PRKCD: variants seen among roughly 807,000 people sequenced by gnomAD.
The protein encoded by PRKCD is protein kinase C delta, also known as protein kinase C delta type.
Under a neutral mutation model 82.2 loss-of-function variants are expected in PRKCD, and 20 were observed. That is an observed-to-expected ratio of 0.24 (90% CI 0.17 to 0.35). The LOEUF is 0.35. PRKCD is among the 10% of genes least tolerant of loss of function. The pLI is 1.00. For missense variants in PRKCD, 607 were observed against 899.0 expected (o/e 0.68, Z 4.15); for synonymous variants, 317 against 337.0 (o/e 0.94, Z 0.65).
intron 2 of PRKCD, among the ~76,000 whole-genome samples, chr3:53,171,535 A>G (rs782400968): frequency 2.0e-5 from 3 of 152,216 alleles, no homozygotes; most frequent in Non-Finnish European, 4.4e-5. Context: ...CGCATCCTAC[A>G]GAGGTCTTAC....
At chr3:53,175,246 C>T (rs926259833) in intron 2 of PRKCD, among the ~76,000 whole-genome samples, 7 of 152,156 alleles carry the variant, frequency 4.6e-5, no homozygotes, top group Admixed American at 2.6e-4. Context: ...GTAACCAGGA[C>T]TGTCTTCCCA....
chr3:53,181,832 G>A lies in PRKCD; in HGVS notation c.571+100G>A, dbSNP rs782458014. ...CAGTGCCTGTGTGCGCTCAGAGAGT[G>A]TATGCACGTGAGTTTTCCCAGTGTA... On this transcript the variant is annotated intron_variant, in intron 7 of 18. Coordinates refer to ENST00000330452, the MANE Select transcript of PRKCD (RefSeq NM_006254.4). 3.2e-6 allele frequency: 5 copies of A among 1,543,496 alleles called. No homozygotes were observed. In the South Asian group the frequency reaches 4.6e-5, roughly 14 times the overall value.
At chr3:53,177,757 A>G (rs1436622152) in intron 2 of PRKCD, among the ~76,000 whole-genome samples, 6 of 151,932 alleles carry the variant, frequency 3.9e-5, no homozygotes, top group South Asian at 2.1e-4. Flanking sequence ...GACAGATGCA[A>G]ATGCCACCAG....
intron 1 of PRKCD, among the ~76,000 whole-genome samples, chr3:53,164,066 G>C (rs1258075044): frequency 6.6e-6 from 1 of 152,216 alleles, no homozygotes; most frequent in Non-Finnish European, 1.5e-5. Flanking sequence ...GGGGTCTCCA[G>C]CTGGGGGAGG....
In PRKCD at chr3:53,176,942, C is replaced by T. The variant is rs79322081; in HGVS notation, c.-19-1462C>T. 3.7e-3 allele frequency among the ~76,000 whole-genome samples: 564 copies of T among 152,266 alleles called. 5 individuals are homozygous for T. The highest frequency in any genetic ancestry group is 0.013 in the African/African-American group (537 of 41,534). ...CTCCCAGGTTCCAGCCATTCTTCTG[C>T]CCTCAGCCTCCCAAGTAGCTGGGAT... On this transcript the variant is annotated intron_variant, in intron 2 of 18. Coordinates refer to ENST00000330452, the MANE Select transcript of PRKCD (RefSeq NM_006254.4).
intron 4 of PRKCD, 24 bp downstream of exon 4, chr3:53,179,800 G>A (rs1553666921): frequency 8.2e-7 from 1 of 1,226,964 alleles, no homozygotes; most frequent in Non-Finnish European, 1.1e-6. Flanking sequence ...GAGCCGTGCC[G>A]TGTGTGTGTG....
In PRKCD at chr3:53,187,324, CCT is replaced by C. The variant is rs782768889; in HGVS notation, c.1353-9_1353-8del. 1 of 1,613,992 alleles carries C rather than the reference CCT, an allele frequency of 6.2e-7. No homozygotes were observed. Among genetic ancestry groups the C allele is most frequent in the African/African-American group, 1.3e-5 (1 of 74,914 alleles). On this transcript the variant is annotated splice_polypyrimidine_tract_variant and intron_variant, in intron 14 of 18. Coordinates refer to ENST00000330452, the MANE Select transcript of PRKCD (RefSeq NM_006254.4). ...GGCAGAGATCCCGGAACACTTTATC[CCT>C]CTCTCTTGCCCAGGTTTTATGCCGC...
intron 2 of PRKCD, among the ~76,000 whole-genome samples, chr3:53,171,342 G>A (rs1703023059): frequency 6.6e-6 from 1 of 152,204 alleles, no homozygotes. Context: ...TGGCAGAGGT[G>A]GATGTGAGCC....
intron 7 of PRKCD, 43 bp from the exon 8 acceptor site, chr3:53,183,078 C>A (rs1703511801): frequency 6.2e-7 from 1 of 1,601,740 alleles, no homozygotes; most frequent in African/African-American, 1.3e-5. Flanking sequence ...TCTGCCCCTC[C>A]CGGTGCTTTC....
chr3:53,163,258 G>T (rs1553663351), intron 1 of PRKCD, among the ~76,000 whole-genome samples: 1 of 152,030 alleles, frequency 6.6e-6, no homozygotes, highest in Non-Finnish European at 1.5e-5. Flanking sequence ...GTGTATGCTT[G>T]GGGAGTGACT....
intron 2 of PRKCD, among the ~76,000 whole-genome samples, chr3:53,175,987 C>T (rs1703201619): frequency 6.6e-6 from 1 of 152,218 alleles, no homozygotes; most frequent in African/African-American, 2.4e-5. Context: ...ACTGAGTGCC[C>T]ACCATGTGCC....
intron 3 of PRKCD, among the ~76,000 whole-genome samples, chr3:53,179,105 A>G (rs1251609733): frequency 6.6e-6 from 1 of 152,136 alleles, no homozygotes; most frequent in East Asian, 1.9e-4. Context: ...CCTGACCCTT[A>G]GGCTTGACCC....
Position 53,185,607 on chromosome 3 carries a change from G to A in PRKCD, c.892G>A (p.Ala298Thr), listed in dbSNP as rs2107275432. 3 of 1,613,456 alleles carry A rather than the reference G, an allele frequency of 1.9e-6. No homozygotes were observed. Among genetic ancestry groups the A allele is most frequent in the Admixed American group, 1.7e-5 (1 of 60,020 alleles). ...CCCACCTCTGCTCCCTCCCCAGAGA[G>A]CCTCCCGGAGATCAGACTCAGCCTC... The part of the protein sequence containing the change: ...AEALNQVTQR[A>T]SRRSDSASSE... The change falls in exon 11 of 19, where the codon GCC (alanine) becomes ACC (threonine). Residue 298 changes from alanine to threonine, a missense_variant. Ala to Thr is a moderately conservative substitution (Grantham distance 58, BLOSUM62 0). Transcript: ENST00000330452.
In PRKCD at chr3:53,170,153, G is replaced by A. The variant is rs558177706; in HGVS notation, c.-20+4938G>A. Among the ~76,000 whole-genome samples, 3 of 152,274 alleles carry A rather than the reference G, an allele frequency of 2.0e-5. 1 individual carries two copies. In the South Asian group the frequency reaches 6.2e-4, roughly 32 times the overall value. On this transcript the variant is annotated intron_variant, in intron 2 of 18. Coordinates refer to ENST00000330452, the MANE Select transcript of PRKCD (RefSeq NM_006254.4). ...CTGGAAAATCGTGGGAACTCTGTGG[G>A]AGAAAGAAGGGCTAAGGAGTAGGGC... is the stretch of plus-strand genomic sequence containing the variant.
At chr3:53,182,101 G>T in intron 7 of PRKCD, 1 of 415,978 alleles carries the variant, frequency 2.4e-6, no homozygotes. Flanking sequence ...GTAGATGTGG[G>T]TGTCTCTGAG....
Position 53,186,044 on chromosome 3 carries a change from G to A in PRKCD, c.1086+17G>A, listed in dbSNP as rs931746682. 7.5e-5 allele frequency: 121 copies of A among 1,613,532 alleles called. No homozygotes were observed. Among genetic ancestry groups the A allele is most frequent in the Non-Finnish European group, 9.1e-5 (107 of 1,179,618 alleles). On this transcript the variant is annotated intron_variant, in intron 12 of 18. Coordinates refer to ENST00000330452, the MANE Select transcript of PRKCD (RefSeq NM_006254.4). ...TTCGGGAAGGTGAGGGCTGTGAGCC[G>A]GGCACCTGCTTCCCACCCCACCCTG...
At chr3:53,182,363 G>A (rs1703478802) in intron 7 of PRKCD, among the ~76,000 whole-genome samples, 1 of 152,008 alleles carries the variant, frequency 6.6e-6, no homozygotes, top group Non-Finnish European at 1.5e-5. Context: ...CCCTCTCCAA[G>A]GTTCAAGCGA....
At chr3:53,183,100 C>G in intron 7 of PRKCD, 21 bp from the exon 8 acceptor site, 2 of 1,613,582 alleles carry the variant, frequency 1.2e-6, no homozygotes. Flanking sequence ...CTTCCCCCTC[C>G]TGGGCCTGTG....
intron 4 of PRKCD, 41 bp from the exon 5 acceptor site, chr3:53,181,166 C>G (rs1553667354): frequency 1.2e-6 from 2 of 1,604,708 alleles, no homozygotes; most frequent in African/African-American, 2.7e-5. Flanking sequence ...CCAGGCTGCC[C>G]TCACTGACCT....
Sources: allele counts gnomAD v4.1 joint callset (sites outside exome capture counted in the v4.1 genomes callset), GRCh38; gene constraint gnomAD v4.1.1; transcripts MANE v1.5; gene names NCBI Gene and HGNC (gene_info 2026-07-23, HGNC 2026-07-21).